RALGPS1: variants seen among roughly 807,000 people sequenced by gnomAD.
RALGPS1 encodes the protein ras-specific guanine nucleotide-releasing factor RalGPS1.
Under a neutral mutation model 78.8 loss-of-function variants are expected in RALGPS1, and 19 were observed. That is an observed-to-expected ratio of 0.24 (90% confidence interval 0.17 to 0.35). The LOEUF is 0.35. RALGPS1 is among the 10% of genes least tolerant of loss of function. The pLI, the probability that RALGPS1 is intolerant of heterozygous loss-of-function variation, is 1.00. For missense variants in RALGPS1, 454 were observed against 688.3 expected, an observed-to-expected ratio of 0.66 and a Z score of 3.81; for synonymous variants, 228 against 256.3, an observed-to-expected ratio of 0.89 and a Z score of 1.06.
chr9:127,131,310 G>A (rs2056989032), intron 8 of RALGPS1, among the ~76,000 whole-genome samples: 1 of 152,358 alleles, frequency 6.6e-6, no homozygotes, highest in East Asian at 1.9e-4. Context: ...GCTCTCCTGT[G>A]AGTAAAGTAA....
chr9:127,071,427 A>G (rs2050191370), intron 8 of RALGPS1, among the ~76,000 whole-genome samples: 1 of 152,152 alleles, frequency 6.6e-6, no homozygotes, highest in Non-Finnish European at 1.5e-5. Flanking sequence ...AGTTTTTCTT[A>G]GTGATACATA....
chr9:127,137,036 G>A (rs1449834419), intron 8 of RALGPS1, among the ~76,000 whole-genome samples: 2 of 152,156 alleles, frequency 1.3e-5, no homozygotes, highest in Non-Finnish European at 2.9e-5. Context: ...CTTGGGAGAG[G>A]GGTATATTTT....
At chr9:127,066,094 G>A (rs1251379198) in intron 7 of RALGPS1, among the ~76,000 whole-genome samples, 1 of 152,178 alleles carries the variant, frequency 6.6e-6, no homozygotes, top group Non-Finnish European at 1.5e-5. Flanking sequence ...GCTCTGAGGT[G>A]CTGTCCATAC....
At chr9:126,980,192 C>T (rs2041111114) in intron 4 of RALGPS1, among the ~76,000 whole-genome samples, 1 of 152,176 alleles carries the variant, frequency 6.6e-6, no homozygotes, top group Admixed American at 6.5e-5. Context: ...AAATTTTCCT[C>T]TTGGGGATGC....
intron 8 of RALGPS1, among the ~76,000 whole-genome samples, chr9:127,094,467 C>T (rs1197147245): frequency 6.6e-6 from 1 of 152,258 alleles, no homozygotes; most frequent in Admixed American, 6.5e-5. Context: ...TCTGACTCCA[C>T]GTCTGCCCTT....
rs2054511764 is a variant in RALGPS1, at chr9:127,108,732, G to T, written c.610+39376G>T. 6.3e-6 allele frequency: 10 copies of T among 1,596,694 alleles called. 1 individual carries two copies. The highest frequency in any genetic ancestry group is 3.7e-4 in the Middle Eastern group (2 of 5,334). The stretch of plus-strand genomic sequence containing the variant: ...AGCATGTCACGCACAGTGGCCTCAT[G>T]GTCCTTGCAAAATGGTGGTTATTCT... On this transcript the variant is annotated intron_variant, in intron 8 of 18. Transcript: ENST00000259351.
chr9:127,079,152 C>T (rs2050945151), intron 8 of RALGPS1, among the ~76,000 whole-genome samples: 1 of 152,212 alleles, frequency 6.6e-6, no homozygotes, highest in Non-Finnish European at 1.5e-5. Context: ...TCTAGGGACT[C>T]TTCCTGTGTG....
At chr9:127,102,979 G>A (rs2053879063) in intron 8 of RALGPS1, among the ~76,000 whole-genome samples, 1 of 152,196 alleles carries the variant, frequency 6.6e-6, no homozygotes, top group South Asian at 2.1e-4. Flanking sequence ...GACTCAGGAT[G>A]GGCAGAGTCA....
intron 4 of RALGPS1, chr9:127,017,044 C>T (rs2044904395): frequency 6.6e-6 from 1 of 152,136 alleles, no homozygotes. Flanking sequence ...CAAAGACTTA[C>T]TACAAAAAGG....
chr9:127,068,220 A>G (rs1392454669), intron 7 of RALGPS1, among the ~76,000 whole-genome samples: 1 of 152,194 alleles, frequency 6.6e-6, no homozygotes, highest in Non-Finnish European at 1.5e-5. Context: ...ACCCAGTGTA[A>G]ATATGACACA....
At chr9:127,206,201 C>A (rs771416102) in intron 14 of RALGPS1, among the ~76,000 whole-genome samples, 1 of 152,204 alleles carries the variant, frequency 6.6e-6, no homozygotes, top group Non-Finnish European at 1.5e-5. Context: ...CTGGGCCCTT[C>A]CACATGTGCA....
At chr9:127,107,811 TG>T in intron 8 of RALGPS1, 2 of 1,226,668 alleles carry the variant, frequency 1.6e-6, no homozygotes, top group Non-Finnish European at 2.3e-6. Context: ...GTCTTTGGCC[TG>T]GCTTCAACTG....
At chr9:126,972,755 A>G (rs1020262754) in intron 3 of RALGPS1, among the ~76,000 whole-genome samples, 7 of 152,220 alleles carry the variant, frequency 4.6e-5, no homozygotes, top group African/African-American at 1.4e-4. Context: ...ATATTTGTAG[A>G]TTAAAAGAGA....
intron 8 of RALGPS1, among the ~76,000 whole-genome samples, chr9:127,155,603 T>C (rs1251118005): frequency 6.6e-6 from 1 of 152,158 alleles, no homozygotes; most frequent in Non-Finnish European, 1.5e-5. Flanking sequence ...CCTGTTGGGA[T>C]AGAAAGCCAC....
chr9:127,098,377 C>T (rs1434974956), intron 8 of RALGPS1, among the ~76,000 whole-genome samples: 1 of 152,184 alleles, frequency 6.6e-6, no homozygotes, highest in Non-Finnish European at 1.5e-5. Context: ...CACCTGGGCT[C>T]AGAGTGGAGC....
At chr9:127,066,628 G>A (rs574834700) in intron 7 of RALGPS1, among the ~76,000 whole-genome samples, 28 of 152,166 alleles carry the variant, frequency 1.8e-4, no homozygotes, top group Non-Finnish European at 3.4e-4. Flanking sequence ...GAGACAGAGT[G>A]AGACTCCGTC....
At chr9:127,160,804 C>T (rs978362875) in intron 8 of RALGPS1, among the ~76,000 whole-genome samples, 2 of 152,236 alleles carry the variant, frequency 1.3e-5, no homozygotes, top group African/African-American at 4.8e-5. Flanking sequence ...CACTTGCAAG[C>T]TGTGTGATCT....
At chr9:127,003,385 T>C (rs908962619) in intron 4 of RALGPS1, among the ~76,000 whole-genome samples, 4 of 151,802 alleles carry the variant, frequency 2.6e-5, no homozygotes, top group Admixed American at 2.6e-4. Context: ...CATCAAAAAG[T>C]GGGCAAAGGA....
At chr9:127,153,427 G>C (rs889777201) in intron 8 of RALGPS1, among the ~76,000 whole-genome samples, 7 of 125,852 alleles carry the variant, frequency 5.6e-5, no homozygotes, top group African/African-American at 2.1e-4. Flanking sequence ...AATCGTTTGT[G>C]TAATTAATGC....
Sources: allele counts gnomAD v4.1 joint callset (sites outside exome capture counted in the v4.1 genomes callset), GRCh38; gene constraint gnomAD v4.1.1; transcripts MANE v1.5; gene names NCBI Gene and HGNC (gene_info 2026-07-23, HGNC 2026-07-21).